ARIH1: variants seen among roughly 807,000 people sequenced by gnomAD.
ARIH1 encodes E3 ubiquitin-protein ligase ARIH1.
A neutral mutation model predicts 85.0 loss-of-function variants in ARIH1; 8 were observed. That is an observed-to-expected ratio of 0.09 (90% CI 0.06 to 0.17). ARIH1 has a LOEUF of 0.17. ARIH1 is among the 10% of genes least tolerant of loss of function. The probability of loss-of-function intolerance (pLI) is 1.00; values close to 1 mark genes in which losing one functional copy is unlikely to be tolerated. For synonymous variants in ARIH1, 238 were observed against 253.6 expected (o/e 0.94, Z 0.59); for missense variants, 311 against 718.1 (o/e 0.43, Z 6.48).
At chr15:72,566,246 C>G (rs1056155124) in intron 7 of ARIH1, 1 of 277,714 alleles carries the variant, frequency 3.6e-6, no homozygotes. Flanking sequence ...ATTAAAAATG[C>G]ACTGATGAAG....
intron 1 of ARIH1, among the ~76,000 whole-genome samples, chr15:72,505,444 C>G (rs1237653156): frequency 6.6e-6 from 1 of 151,636 alleles, no homozygotes; most frequent in African/African-American, 2.4e-5. Flanking sequence ...TTTTTAATGG[C>G]TGCATAATAT....
chr15:72,491,232 A>G (rs767188933), intron 1 of ARIH1, among the ~76,000 whole-genome samples: 2 of 152,196 alleles, frequency 1.3e-5, no homozygotes, highest in Non-Finnish European at 2.9e-5. Flanking sequence ...ATTATAGCAT[A>G]ATAATCACAT....
At chr15:72,501,141 T>C (rs911346246) in intron 1 of ARIH1, among the ~76,000 whole-genome samples, 4 of 152,204 alleles carry the variant, frequency 2.6e-5, no homozygotes, top group Admixed American at 2.0e-4. Context: ...TGGCCTGTTA[T>C]TGCTTGGTTT....
chr15:72,479,470 G>A (rs923483216), intron 1 of ARIH1, among the ~76,000 whole-genome samples: 25 of 151,700 alleles, frequency 1.6e-4, no homozygotes, highest in South Asian at 4.2e-4. Flanking sequence ...CAGTGGTGGC[G>A]TGATCTTGGC....
At chr15:72,491,570 T>C (rs2063859531) in intron 1 of ARIH1, among the ~76,000 whole-genome samples, 1 of 152,228 alleles carries the variant, frequency 6.6e-6, no homozygotes, top group Non-Finnish European at 1.5e-5. Flanking sequence ...AATTTTCTAA[T>C]TGATTTTATT....
rs2064331909 is a variant in ARIH1 at position 72,589,572 on chromosome 15, A to C, written c.*6280A>C. 6.6e-6 allele frequency: 1 copy of C among 152,192 alleles called. No individual in the cohort carries two copies. The highest frequency in any genetic ancestry group is 1.5e-5 in the Non-Finnish European group (1 of 68,036). The allele number at this position is 152,192 out of a possible 1,614,324, so 9.4% of individuals were successfully genotyped here. A position where few individuals can be genotyped will look rare whatever the true frequency, so the allele number is the denominator to read the frequency against. On this transcript the variant is annotated 3_prime_UTR_variant, in exon 14 of 14. Coordinates refer to ENST00000379887, the MANE Select transcript of ARIH1 (RefSeq NM_005744.5). ...GTATTACATGTTAACTGTTCCTGAC[A>C]CATGTAGACAGAACCAATCAGATCC...
chr15:72,528,534 T>C (rs1454962477), intron 2 of ARIH1, among the ~76,000 whole-genome samples: 1 of 152,188 alleles, frequency 6.6e-6, no homozygotes, highest in South Asian at 2.1e-4. Flanking sequence ...ATCACTATTC[T>C]ACAATACAGT....
intron 1 of ARIH1, among the ~76,000 whole-genome samples, chr15:72,481,226 A>G (rs796629409): frequency 1.2e-4 from 18 of 152,332 alleles, no homozygotes; most frequent in African/African-American, 3.4e-4. Context: ...CAGTAGTCCT[A>G]TGAATCAAAC....
Position 72,572,088 on chromosome 15 carries a change from T to C in ARIH1, c.1158-20T>C. On this transcript the variant is annotated intron_variant, in intron 10 of 13. Transcript: ENST00000379887. ...ATTGATTTTTTTTTTCTTTATGGAA[T>C]CCTCTTTATTTACTTGAAGGTACAA... The C allele has an allele frequency of 2.0e-6, 3 of 1,513,108 alleles. No homozygotes were observed. Among genetic ancestry groups the C allele is most frequent in the African/African-American group, 1.4e-5 (1 of 71,118 alleles). 93.7% of individuals were successfully genotyped at this position (1,513,108 alleles called of 1,614,324 possible).
intron 1 of ARIH1, chr15:72,496,895 G>C: frequency 1.0e-6 from 1 of 979,932 alleles, no homozygotes; most frequent in Non-Finnish European, 1.2e-6. Flanking sequence ...GTCATTAAAA[G>C]ACCATTAAAC....
intron 13 of ARIH1, 97 bp from the exon 14 acceptor site, chr15:72,583,111 G>A: frequency 2.2e-6 from 2 of 924,974 alleles, no homozygotes; most frequent in South Asian, 3.1e-5. Flanking sequence ...TTCCGAGTCT[G>A]GATAAACTAT....
intron 1 of ARIH1, among the ~76,000 whole-genome samples, chr15:72,513,669 ATCTC>A (rs1325730865): frequency 8.5e-6 from 1 of 117,260 alleles, no homozygotes; most frequent in African/African-American, 3.4e-5. Flanking sequence ...GCAGGTTTCA[ATCTC>A]TCTCTCTCCC....
rs2064372052 is a variant in ARIH1, at chr15:72,598,764, C to A, written c.*15472C>A. 6.6e-6 allele frequency: 1 copy of A among 151,860 alleles called. No homozygotes were observed. Among genetic ancestry groups the A allele is most frequent in the South Asian group, 2.1e-4 (1 of 4,814 alleles). The allele number at this position is 151,860 out of a possible 1,614,324, so 9.4% of individuals were successfully genotyped here. On this transcript the variant is annotated 3_prime_UTR_variant, in exon 14 of 14. Transcript: ENST00000379887. ...TAAACACGTCTCACTGCCACCCAGG[C>A]TTGAGTGCCATGACATGATCATAGC...
At chr15:72,574,729 C>G (rs892477992) in intron 11 of ARIH1, among the ~76,000 whole-genome samples, 5 of 152,112 alleles carry the variant, frequency 3.3e-5, no homozygotes, top group African/African-American at 1.2e-4. Context: ...CCTTATAATG[C>G]AAAAGCAGCC....
intron 1 of ARIH1, among the ~76,000 whole-genome samples, chr15:72,517,011 TA>T (rs773372358): frequency 6.6e-6 from 1 of 152,198 alleles, no homozygotes; most frequent in Non-Finnish European, 1.5e-5. Flanking sequence ...CATTTTGAGT[TA>T]AAATTTTGTG....
At chr15:72,524,496 G>A (rs985667036) in intron 2 of ARIH1, among the ~76,000 whole-genome samples, 11 of 152,316 alleles carry the variant, frequency 7.2e-5, no homozygotes, top group South Asian at 6.2e-4. Flanking sequence ...GAGCCACTGC[G>A]CCAGCCCAAG....
chr15:72,567,304 T>C, intron 9 of ARIH1, 127 bp downstream of exon 9: 1 of 690,574 alleles, frequency 1.4e-6, no homozygotes, highest in Non-Finnish European at 2.4e-6. Flanking sequence ...TGAGTCTTTT[T>C]TTTTTTTTCC....
intron 2 of ARIH1, among the ~76,000 whole-genome samples, chr15:72,532,620 A>G (rs71397249): frequency 0.041 from 6,235 of 152,276 alleles, 168 homozygotes; most frequent in East Asian, 0.089. Flanking sequence ...AGTTTGTCTT[A>G]TGTACATAGA....
At chr15:72,516,327 T>G (rs1346981298) in intron 1 of ARIH1, among the ~76,000 whole-genome samples, 5 of 152,220 alleles carry the variant, frequency 3.3e-5, no homozygotes, top group African/African-American at 1.2e-4. Context: ...AGACTTAAGA[T>G]TTAGCTTATT....
Sources: allele counts gnomAD v4.1 joint callset (sites outside exome capture counted in the v4.1 genomes callset), GRCh38; gene constraint gnomAD v4.1.1; transcripts MANE v1.5; gene names NCBI Gene and HGNC (gene_info 2026-07-23, HGNC 2026-07-21).